PRR14L: variants seen among roughly 807,000 people sequenced by gnomAD.
The protein encoded by PRR14L is protein PRR14L.
PRR14L carries 80 observed loss-of-function variants against 155.0 expected under a neutral mutation model. The ratio of observed to expected loss-of-function variants is 0.52; its 90% confidence interval spans 0.43 to 0.62. The LOEUF (loss-of-function observed/expected upper bound fraction) is 0.62. Among genes scored for constraint, PRR14L ranks in the 20% least tolerant of loss-of-function variants. The pLI is 0.00. For synonymous variants in PRR14L, 883 were observed against 916.0 expected (o/e 0.96, Z 0.65); for missense variants, 2,469 against 2,548.0 (o/e 0.97, Z 0.67).
In PRR14L at chr22:31,712,355, G is replaced by T. The variant is rs1248183841; in HGVS notation, c.5484C>A (p.Ser1828=). 6.2e-7 allele frequency: 1 copy of T among 1,613,628 alleles called. No homozygotes were observed. Among genetic ancestry groups the T allele is most frequent in the Admixed American group, 1.7e-5 (1 of 59,858 alleles). Residue 1828 remains serine, a synonymous_variant, in exon 4 of 9, where the codon TCC becomes TCA. Coordinates refer to ENST00000327423, the MANE Select transcript of PRR14L (RefSeq NM_173566.3). ...LGLHTLLALC[S]PGCYRIWTKK... ...TTGTCCAGATTCGGTAACATCCTGG[G>T]GAACAAAGTGCTAGAAGTGTGTGAA...
intron 7 of PRR14L, among the ~76,000 whole-genome samples, chr22:31,689,633 T>C (rs901398457): frequency 1.3e-5 from 2 of 152,168 alleles, no homozygotes; most frequent in Non-Finnish European, 2.9e-5. Context: ...GGCTCAAACA[T>C]GGCTCACTGC....
intron 2 of PRR14L, among the ~76,000 whole-genome samples, chr22:31,736,750 CA>C (rs2074784014): frequency 6.6e-6 from 1 of 151,996 alleles, no homozygotes; most frequent in African/African-American, 2.4e-5. Flanking sequence ...CAAAAGAGAC[CA>C]TATGAGGCCA....
At chr22:31,740,783 T>C (rs2074808483) in intron 1 of PRR14L, among the ~76,000 whole-genome samples, 1 of 152,110 alleles carries the variant, frequency 6.6e-6, no homozygotes, top group South Asian at 2.1e-4. Context: ...TCAGAAGTGA[T>C]AAGAAATTAG....
intron 2 of PRR14L, among the ~76,000 whole-genome samples, chr22:31,731,839 T>C (rs2074751963): frequency 6.6e-6 from 1 of 152,228 alleles, no homozygotes; most frequent in African/African-American, 2.4e-5. Context: ...ATAGTCGAAT[T>C]ACTGTTTGCT....
At chr22:31,698,358 C>G (rs919421917) in intron 7 of PRR14L, among the ~76,000 whole-genome samples, 1 of 151,874 alleles carries the variant, frequency 6.6e-6, no homozygotes, top group Non-Finnish European at 1.5e-5. Context: ...TTAACAATAC[C>G]AAAAAGTACG....
intron 7 of PRR14L, among the ~76,000 whole-genome samples, chr22:31,694,965 C>T (rs1478722726): frequency 6.6e-6 from 1 of 151,778 alleles, no homozygotes; most frequent in Admixed American, 6.6e-5. Context: ...CTCCTGTAGT[C>T]CCTGCTACTC....
chr22:31,708,921 G>A (rs1307215949), intron 4 of PRR14L, among the ~76,000 whole-genome samples: 2 of 152,088 alleles, frequency 1.3e-5, no homozygotes, highest in Non-Finnish European at 2.9e-5. Flanking sequence ...CCAACTCCTG[G>A]GTTTAAGTGA....
At chr22:31,691,597 G>A (rs899700861) in intron 7 of PRR14L, among the ~76,000 whole-genome samples, 17 of 152,154 alleles carry the variant, frequency 1.1e-4, no homozygotes, top group Non-Finnish European at 2.1e-4. Context: ...CCCAGCACTG[G>A]TAACCACTAA....
intron 2 of PRR14L, among the ~76,000 whole-genome samples, chr22:31,729,235 G>T (rs560619966): frequency 1.3e-5 from 2 of 152,102 alleles, no homozygotes; most frequent in Admixed American, 6.6e-5. Flanking sequence ...TTTTTGAGAC[G>T]AAGTCTCGCT....
Position 31,685,529 on chromosome 22 carries a change from A to T in PRR14L, c.6454T>A (p.Ter2152ArgextTer34). The T allele has an allele frequency of 6.5e-7, 1 of 1,547,102 alleles. No individual in the cohort carries two copies. The highest frequency in any genetic ancestry group is 8.7e-7 in the Non-Finnish European group (1 of 1,143,426). The change falls in exon 9 of 9, where the codon TGA (stop) becomes AGA (arginine). Residue 2152 changes from the stop codon to arginine (R), a stop_lost. Transcript: ENST00000327423. ...AGACCCTCAAACTGAATCGCTTCTCAACAGCCTGATGATTGTTCCTGCTCC... is the reference window on the plus strand; with the variant it reads ...AGACCCTCAAACTGAATCGCTTCTCTACAGCCTGATGATTGTTCCTGCTCC... ...EEEQEQSSGC* is the reference protein window; with the variant it reads ...EEEQEQSSGCR
chr22:31,731,228 C>T (rs1309685214), intron 2 of PRR14L, among the ~76,000 whole-genome samples: 3 of 152,082 alleles, frequency 2.0e-5, no homozygotes, highest in African/African-American at 4.8e-5. Context: ...TAGGCCCTAT[C>T]GTATACACTC....
Position 31,713,387 on chromosome 22 carries a change from T to C in PRR14L, c.4452A>G (p.Thr1484=). The change falls in exon 4 of 9, where the codon ACA becomes ACG. Residue 1484 remains threonine (T), a synonymous_variant. Coordinates refer to ENST00000327423, the MANE Select transcript of PRR14L (RefSeq NM_173566.3). ...GAGGGGCACCAAGAAGGCAAGGACT[T>C]GTGCATGACTCAGTGTCCTTCCTTA... ...HPLRKDTESC[T]SPCLLGAPRK... is the part of the protein sequence containing the mutation. 6.4e-7 allele frequency: 1 copy of C among 1,551,976 alleles called. No homozygotes were observed. The highest frequency in any genetic ancestry group is 8.7e-7 in the Non-Finnish European group (1 of 1,147,042).
At chr22:31,698,785 A>T (rs1213641158) in intron 7 of PRR14L, among the ~76,000 whole-genome samples, 1 of 151,368 alleles carries the variant, frequency 6.6e-6, no homozygotes, top group Non-Finnish European at 1.5e-5. Context: ...AGCCGGGCGT[A>T]CTGGCGGGCG....
chr22:31,714,727 C>T lies in PRR14L; in HGVS notation c.3112G>A (p.Ala1038Thr), dbSNP rs1408557955. 3 of 1,552,282 alleles carry T rather than the reference C, an allele frequency of 1.9e-6. No homozygotes were observed. The East Asian group carries it at 7.3e-5, about 38-fold the overall frequency. Reference sequence around the variant, plus strand: ...TCACAACCAGACATCTTGACAAAGGCTCCTTTCAAATTGCATTTCTTTGGA... The same window carrying T: ...TCACAACCAGACATCTTGACAAAGGTTCCTTTCAAATTGCATTTCTTTGGA... The part of the protein sequence containing the change: ...GSPKKCNLKG[A>T]FVKMSGCDES... The change falls in exon 4 of 9, where the codon GCC (alanine) becomes ACC (threonine). Residue 1038 changes from alanine to threonine, a missense_variant. Physicochemically the swap from Ala to Thr is moderately conservative, Grantham distance 58. Around this residue, in one of 2 missense-constraint regions of PRR14L, gnomAD observed 2,363 missense variants for 2,371.6 expected, o/e 1.00. Transcript: ENST00000327423.
chr22:31,699,984 A>T (rs1310343933), intron 7 of PRR14L, among the ~76,000 whole-genome samples: 1 of 151,978 alleles, frequency 6.6e-6, no homozygotes, highest in Admixed American at 6.6e-5. Context: ...CTTTCTGTAT[A>T]TTGGAATGAA....
intron 7 of PRR14L, among the ~76,000 whole-genome samples, chr22:31,698,703 G>A (rs896705543): frequency 1.3e-5 from 2 of 151,848 alleles, no homozygotes; most frequent in African/African-American, 2.4e-5. Flanking sequence ...GGCGGATCAC[G>A]GGGTCAGGAG....
chr22:31,747,918 TG>T (rs962332338), intron 1 of PRR14L, among the ~76,000 whole-genome samples: 2 of 151,092 alleles, frequency 1.3e-5, no homozygotes, highest in African/African-American at 2.5e-5. Context: ...CCTGACAAAG[TG>T]GCAACTTTTA....
Position 31,703,640 on chromosome 22 carries a change from G to C in PRR14L, c.5910C>G (p.Ala1970=). The change falls in exon 6 of 9, where the codon GCC becomes GCG. Residue 1970 remains alanine (A), a synonymous_variant. Coordinates refer to ENST00000327423, the MANE Select transcript of PRR14L (RefSeq NM_173566.3). Reference sequence around the variant, plus strand: ...CCAATCCACGAACCTGGAACTCAGAGGCTGAAAGCAGGAGCTTGCTGACAG... The same window carrying C: ...CCAATCCACGAACCTGGAACTCAGACGCTGAAAGCAGGAGCTTGCTGACAG... ...ESAVSKLLLS[A]SEFQVRGLDE... 1 of 1,613,650 alleles carries C rather than the reference G, an allele frequency of 6.2e-7. No homozygotes were observed. The highest frequency in any genetic ancestry group is 8.5e-7 in the Non-Finnish European group (1 of 1,179,786).
At chr22:31,708,705 A>G (rs934192368) in intron 4 of PRR14L, among the ~76,000 whole-genome samples, 4 of 152,020 alleles carry the variant, frequency 2.6e-5, no homozygotes, top group African/African-American at 9.7e-5. Context: ...TAGTGGCACG[A>G]TCTCGGCTCA....
Sources: allele counts gnomAD v4.1 joint callset (sites outside exome capture counted in the v4.1 genomes callset), GRCh38; gene constraint gnomAD v4.1.1; regional missense constraint gnomAD v4.1.1; transcripts MANE v1.5; gene names NCBI Gene and HGNC (gene_info 2026-07-23, HGNC 2026-07-21).